RALGPS1: variants seen among roughly 807,000 people sequenced by gnomAD.
RALGPS1 encodes ras-specific guanine nucleotide-releasing factor RalGPS1.
A neutral mutation model predicts 78.8 loss-of-function variants in RALGPS1; 19 were observed. The ratio of observed to expected loss-of-function variants is 0.24; its 90% confidence interval spans 0.17 to 0.35. RALGPS1 has a LOEUF of 0.35. Among genes scored for constraint, RALGPS1 ranks in the 10% least tolerant of loss-of-function variants. The pLI is 1.00. For synonymous variants in RALGPS1, 228 were observed against 256.3 expected (o/e 0.89, Z 1.06); for missense variants, 454 against 688.3 (o/e 0.66, Z 3.81).
intron 11 of RALGPS1, among the ~76,000 whole-genome samples, chr9:127,182,831 T>C (rs906031604): frequency 6.6e-6 from 1 of 152,232 alleles, no homozygotes; most frequent in Non-Finnish European, 1.5e-5. Context: ...CTATTTTCTG[T>C]GTTAGGCCAT....
intron 5 of RALGPS1, among the ~76,000 whole-genome samples, chr9:127,043,158 T>C (rs1186918264): frequency 6.6e-6 from 1 of 152,156 alleles, no homozygotes; most frequent in African/African-American, 2.4e-5. Context: ...TTTACAAATA[T>C]CAACACAATA....
intron 4 of RALGPS1, among the ~76,000 whole-genome samples, chr9:127,030,894 G>T (rs2046378471): frequency 6.6e-6 from 1 of 152,176 alleles, no homozygotes; most frequent in South Asian, 2.1e-4. Flanking sequence ...CATAGCATCT[G>T]TTTTTCCCTG....
intron 1 of RALGPS1, among the ~76,000 whole-genome samples, chr9:126,941,170 G>C (rs563662862): frequency 1.1e-4 from 17 of 151,934 alleles, no homozygotes; most frequent in Non-Finnish European, 1.6e-4. Flanking sequence ...TAGTTGTGGG[G>C]GGGGGTTGTT....
In RALGPS1 at chr9:127,028,337, C is replaced by A. The variant is rs554350535; in HGVS notation, c.217-6094C>A. Reference sequence around the variant, plus strand: ...CTCCCATCACTTCTACCATCCACTACCTGTGTGGTCTGGACAAATTACCTG... The same window carrying A: ...CTCCCATCACTTCTACCATCCACTAACTGTGTGGTCTGGACAAATTACCTG... On this transcript the variant is annotated intron_variant, in intron 4 of 18. Transcript: ENST00000259351. Among the ~76,000 whole-genome samples the A allele has an allele frequency of 2.0e-5, 3 of 152,370 alleles. No individual in the cohort carries two copies. The South Asian group carries it at 6.2e-4, about 32-fold the overall frequency.
intron 1 of RALGPS1, among the ~76,000 whole-genome samples, chr9:126,956,875 A>T (rs1194281415): frequency 6.6e-6 from 1 of 152,208 alleles, no homozygotes; most frequent in Non-Finnish European, 1.5e-5. Flanking sequence ...TCCAGCCCTG[A>T]TGGAGCATTT....
intron 8 of RALGPS1, among the ~76,000 whole-genome samples, chr9:127,164,165 A>G (rs531020472): frequency 8.5e-5 from 13 of 152,198 alleles, no homozygotes; most frequent in African/African-American, 2.6e-4. Flanking sequence ...GGTTTTCTTT[A>G]TATACAATCA....
At chr9:126,955,610 TA>T (rs1258146318) in intron 1 of RALGPS1, among the ~76,000 whole-genome samples, 1 of 152,118 alleles carries the variant, frequency 6.6e-6, no homozygotes, top group African/African-American at 2.4e-5. Context: ...CATAACAAAT[TA>T]TTTAAAAAAC....
chr9:126,973,484 T>A (rs1000147053), intron 3 of RALGPS1, among the ~76,000 whole-genome samples: 1 of 152,166 alleles, frequency 6.6e-6, no homozygotes, highest in Non-Finnish European at 1.5e-5. Context: ...TTAAATTATT[T>A]AAAAAACTTG....
intron 9 of RALGPS1, among the ~76,000 whole-genome samples, chr9:127,166,811 G>C (rs984112262): frequency 1.3e-5 from 2 of 152,206 alleles, no homozygotes; most frequent in Non-Finnish European, 2.9e-5. Context: ...AATCCACAGT[G>C]TGCCCATGAT....
intron 9 of RALGPS1, among the ~76,000 whole-genome samples, chr9:127,166,828 G>C (rs117897366): frequency 6.6e-6 from 1 of 152,194 alleles, no homozygotes; most frequent in African/African-American, 2.4e-5. Context: ...TGATGGTGGG[G>C]TGTGTAAGAG....
chr9:127,122,802 G>T lies in RALGPS1; in HGVS notation c.611-43267G>T, dbSNP rs953873496. Reference sequence around the variant, plus strand: ...CCTCAGCCCCAGACAGAGGCGGGCCGCCCGGTGATGTCACACGAGCTCCGG... The same window carrying T: ...CCTCAGCCCCAGACAGAGGCGGGCCTCCCGGTGATGTCACACGAGCTCCGG... On this transcript the variant is annotated intron_variant, in intron 8 of 18. Coordinates refer to ENST00000259351, the MANE Select transcript of RALGPS1 (RefSeq NM_014636.3). The surrounding 1 kb of genome is among the most constrained non-coding windows in gnomAD (Gnocchi z 6.4). The T allele has an allele frequency of 6.6e-6, 1 of 152,330 alleles. No homozygotes were observed. Among genetic ancestry groups the T allele is most frequent in the Admixed American group, 6.5e-5 (1 of 15,286 alleles). 9.4% of individuals were successfully genotyped at this position (152,330 alleles called of 1,614,324 possible).
intron 11 of RALGPS1, among the ~76,000 whole-genome samples, chr9:127,191,382 A>G (rs538507480): frequency 1.3e-5 from 2 of 152,174 alleles, no homozygotes; most frequent in East Asian, 1.9e-4. Context: ...CTTGCTTAAC[A>G]TAAGGCAGGA....
At chr9:127,067,628 C>T (rs971749641) in intron 7 of RALGPS1, among the ~76,000 whole-genome samples, 5 of 152,246 alleles carry the variant, frequency 3.3e-5, no homozygotes, top group African/African-American at 1.2e-4. Flanking sequence ...TGGCCTACGT[C>T]AGTCTGATGG....
chr9:127,207,595 TAAC>T lies in RALGPS1; in HGVS notation c.1248-4533_1248-4531del, dbSNP rs200598976. Reference sequence around the variant, plus strand: ...CATTTTCTGGCCCTGAACATTCAAATAACAAATTTTCTCAAAGCAGGGACATTT... The same window carrying T: ...CATTTTCTGGCCCTGAACATTCAAATAAATTTTCTCAAAGCAGGGACATTT... On this transcript the variant is annotated intron_variant, in intron 14 of 18. Transcript: ENST00000259351. 8.5e-4 allele frequency among the ~76,000 whole-genome samples: 130 copies of T among 152,280 alleles called. No homozygotes were observed. In the East Asian group the frequency reaches 0.02, roughly 24 times the overall value.
At chr9:126,999,042 A>C (rs1243694111) in intron 4 of RALGPS1, among the ~76,000 whole-genome samples, 1 of 143,026 alleles carries the variant, frequency 7.0e-6, no homozygotes, top group Non-Finnish European at 1.5e-5. Flanking sequence ...GGGGAGGGAT[A>C]GCATTAGGAG....
intron 8 of RALGPS1, among the ~76,000 whole-genome samples, chr9:127,112,293 C>G (rs993667701): frequency 6.6e-6 from 1 of 152,206 alleles, no homozygotes; most frequent in Non-Finnish European, 1.5e-5. Context: ...TTTGGCTGCC[C>G]CTGTGCTAGT....
At position 127,004,945 on chromosome 9, in the gene RALGPS1, G is replaced by A. The variant is rs555313643; in HGVS notation, c.216+27200G>A. Among the ~76,000 whole-genome samples, 29 of 152,308 alleles carry A rather than the reference G, an allele frequency of 1.9e-4. 1 individual carries two copies. The highest frequency in any genetic ancestry group is 6.8e-3 in the Middle Eastern group (2 of 294). On this transcript the variant is annotated intron_variant, in intron 4 of 18. Transcript: ENST00000259351. ...CTAATACAGCAGCCTTGTTTTGGAA[G>A]ACCCTTCAAAATTGTTTATTGCATT...
chr9:127,198,574 G>A (rs1380991888), intron 13 of RALGPS1, among the ~76,000 whole-genome samples: 1 of 152,208 alleles, frequency 6.6e-6, no homozygotes, highest in African/African-American at 2.4e-5. Context: ...TCTGTCTAAT[G>A]CCAGGTAGCT....
intron 8 of RALGPS1, among the ~76,000 whole-genome samples, chr9:127,149,695 A>C (rs1190238493): frequency 6.6e-6 from 1 of 152,214 alleles, no homozygotes; most frequent in Non-Finnish European, 1.5e-5. Flanking sequence ...GGGCCCCTGG[A>C]GTCTACCCAG....
Sources: allele counts gnomAD v4.1 joint callset (sites outside exome capture counted in the v4.1 genomes callset), GRCh38; gene constraint gnomAD v4.1.1; non-coding constraint Gnocchi (gnomAD v3.1); transcripts MANE v1.5; gene names NCBI Gene and HGNC (gene_info 2026-07-23, HGNC 2026-07-21).